REL: variants seen among roughly 807,000 people sequenced by gnomAD.
The protein encoded by REL is proto-oncogene c-Rel.
REL carries 15 observed loss-of-function variants against 45.9 expected under a neutral mutation model. That is an observed-to-expected ratio of 0.33 (90% CI 0.22 to 0.50). The LOEUF is 0.50. REL is among the 20% of genes least tolerant of loss of function. REL has a pLI of 0.98. For missense variants in REL, 601 were observed against 715.2 expected, an observed-to-expected ratio of 0.84 and a Z score of 1.82; for synonymous variants, 239 against 242.1, an observed-to-expected ratio of 0.99 and a Z score of 0.12.
Position 60,920,643 on chromosome 2 carries a change from G to T in REL, c.991+1G>T, listed in dbSNP as rs1674116531. 6.4e-7 allele frequency: 1 copy of T among 1,568,810 alleles called. No homozygotes were observed. Among genetic ancestry groups the T allele is most frequent in the Non-Finnish European group, 8.8e-7 (1 of 1,141,024 alleles). On this transcript the variant is annotated splice_donor_variant, in intron 9 of 9. Coordinates refer to ENST00000394479, the MANE Select transcript of REL (RefSeq NM_001291746.2). LOFTEE classifies it high-confidence loss of function. ...GGAGAAGGAAGATACTTCAAAAAAG[G>T]TATTTTATTTCCTATAGCATATTTC...
chr2:60,911,504 CAT>C (rs1413709916), intron 4 of REL: 1 of 152,038 alleles, frequency 6.6e-6, no homozygotes, highest in East Asian at 1.9e-4. Flanking sequence ...AAAGGTCAGT[CAT>C]ATTTCCATAT....
At chr2:60,883,649 A>G (rs1296625341) in intron 1 of REL, among the ~76,000 whole-genome samples, 1 of 152,146 alleles carries the variant, frequency 6.6e-6, no homozygotes, top group Non-Finnish European at 1.5e-5. Flanking sequence ...TAATTTTTTC[A>G]GTTGAGAGAG....
intron 4 of REL, among the ~76,000 whole-genome samples, chr2:60,902,804 G>T (rs1420990309): frequency 6.6e-6 from 1 of 151,992 alleles, no homozygotes; most frequent in African/African-American, 2.4e-5. Flanking sequence ...GCCCAGGCTG[G>T]TCTCAAAACT....
intron 1 of REL, among the ~76,000 whole-genome samples, chr2:60,888,487 A>G (rs1247650105): frequency 5.3e-5 from 8 of 152,256 alleles, no homozygotes; most frequent in Non-Finnish European, 8.8e-5. Context: ...CTACAAGGAT[A>G]TATAAGGGTA....
Position 60,925,696 on chromosome 2 carries a change from A to AT in REL, c.*3175dup, listed in dbSNP as rs11339518. ...ATGATGATGGATGATAGGTGGGGAG[A>AT]TTTTTTTTTTTTTTAATACAGAATC... On this transcript the variant is annotated 3_prime_UTR_variant, in exon 10 of 10. Coordinates refer to ENST00000394479, the MANE Select transcript of REL (RefSeq NM_001291746.2). 9.5e-3 allele frequency: 1,714 copies of AT among 181,138 alleles called. 6 individuals are homozygous for AT. The highest frequency in any genetic ancestry group is 0.014 in the East Asian group (155 of 11,192). 11.2% of individuals were successfully genotyped at this position (181,138 alleles called of 1,614,324 possible).
At chr2:60,920,689 A>G (rs760767321) in intron 9 of REL, 47 bp downstream of exon 9, 3 of 1,134,676 alleles carry the variant, frequency 2.6e-6, no homozygotes, top group South Asian at 1.3e-5. Context: ...AAAGACCAGT[A>G]CTTTGCACAA....
intron 4 of REL, among the ~76,000 whole-genome samples, chr2:60,912,347 C>T (rs1482083302): frequency 6.6e-6 from 1 of 151,946 alleles, no homozygotes; most frequent in Admixed American, 6.5e-5. Context: ...ATATTGCAAG[C>T]GTTTTGGTCT....
intron 8 of REL, 38 bp from the exon 9 acceptor site, chr2:60,920,536 A>G: frequency 6.9e-7 from 1 of 1,446,104 alleles, no homozygotes; most frequent in East Asian, 2.3e-5. Context: ...GTTATTTTTC[A>G]AATGACATTT....
chr2:60,916,708 T>G (rs754389218), intron 4 of REL, among the ~76,000 whole-genome samples, 169 bp from the exon 5 acceptor site: 2 of 152,224 alleles, frequency 1.3e-5, no homozygotes, highest in Non-Finnish European at 2.9e-5. Flanking sequence ...AGTGATTACT[T>G]GATAAGAATG....
At chr2:60,897,203 A>G (rs1331384136) in intron 3 of REL, among the ~76,000 whole-genome samples, 2 of 152,128 alleles carry the variant, frequency 1.3e-5, no homozygotes, top group Admixed American at 1.3e-4. Context: ...AGCCTCTTCA[A>G]ACTGTCTCCT....
chr2:60,920,668 C>T, intron 9 of REL, 26 bp downstream of exon 9: 1 of 1,416,632 alleles, frequency 7.1e-7, no homozygotes, highest in Non-Finnish European at 9.9e-7. Flanking sequence ...TAGCATATTT[C>T]TTGTGATCAG....
chr2:60,898,525 C>T (rs1159897555), intron 3 of REL, among the ~76,000 whole-genome samples: 4 of 152,130 alleles, frequency 2.6e-5, no homozygotes, highest in African/African-American at 9.7e-5. Context: ...ATCATGTATA[C>T]CTCCTTCATA....
intron 8 of REL, 131 bp downstream of exon 8, chr2:60,920,240 C>CA: frequency 1.3e-6 from 1 of 755,716 alleles, no homozygotes. Context: ...CTCTCTCTGT[C>CA]ACCCAGGCTG....
chr2:60,919,257 C>T (rs1325160734), intron 7 of REL, among the ~76,000 whole-genome samples: 1 of 151,916 alleles, frequency 6.6e-6, no homozygotes, highest in Non-Finnish European at 1.5e-5. Context: ...TTTTTTGAGA[C>T]AGGGTCTCAC....
intron 4 of REL, among the ~76,000 whole-genome samples, chr2:60,913,627 T>C (rs2103972075): frequency 6.6e-6 from 1 of 152,344 alleles, no homozygotes; most frequent in East Asian, 1.9e-4. Context: ...TATAGTTTAT[T>C]GAGAGTTCAT....
chr2:60,895,346 T>C (rs961855316), intron 3 of REL, among the ~76,000 whole-genome samples: 1 of 152,070 alleles, frequency 6.6e-6, no homozygotes. Flanking sequence ...CATGCCCGGC[T>C]AATTTTTGTA....
intron 1 of REL, 139 bp from the exon 2 acceptor site, chr2:60,891,543 CA>C: frequency 1.4e-6 from 1 of 717,932 alleles, no homozygotes. Flanking sequence ...TCCAAGATAA[CA>C]TTTCGGTCTT....
rs796995375 is a variant in REL, at chr2:60,926,720, A to T, written c.*4185A>T. The T allele has an allele frequency of 1.9e-4, 44 of 228,156 alleles. No homozygotes were observed. The highest frequency in any genetic ancestry group is 9.5e-4 in the African/African-American group (43 of 45,138). The allele number at this position is 228,156 out of a possible 1,614,324, so 14.1% of individuals were successfully genotyped here. A position where few individuals can be genotyped will look rare whatever the true frequency, so the allele number is the denominator to read the frequency against. On this transcript the variant is annotated 3_prime_UTR_variant, in exon 10 of 10. Coordinates refer to ENST00000394479, the MANE Select transcript of REL (RefSeq NM_001291746.2). ...ATTACCATTTACCACGCCACCCAAG[A>T]TACTTACTAGGAACCTCAAAGTATT...
At chr2:60,899,772 GA>G (rs1331010617) in intron 3 of REL, 2 of 152,314 alleles carry the variant, frequency 1.3e-5, no homozygotes, top group Admixed American at 6.5e-5. Context: ...GGTGGTGGGG[GA>G]GTTCCCCCCA....
Sources: gnomAD v4.1 joint callset for allele counts (sites outside exome capture counted in the v4.1 genomes callset) on GRCh38, gnomAD v4.1.1 for gene constraint, MANE v1.5 for transcripts, NCBI Gene and HGNC (gene_info 2026-07-23, HGNC 2026-07-21) for gene names.